Variants in ARHGEF18 observed in about 807,000 individuals in gnomAD.
ARHGEF18 encodes the protein rho guanine nucleotide exchange factor 18.
In ARHGEF18, 93 loss-of-function variants were observed where a neutral mutation model predicts 155.7. That is an observed-to-expected ratio of 0.60 (90% CI 0.50 to 0.71). The LOEUF (loss-of-function observed/expected upper bound fraction) is 0.71, where lower values mean the gene tolerates loss of function less well. Ranked by LOEUF, ARHGEF18 falls within the 30% of genes least tolerant of loss-of-function variation. The pLI, the probability that ARHGEF18 is intolerant of heterozygous loss-of-function variation, is 0.00. For synonymous variants in ARHGEF18, 742 were observed against 753.1 expected, an observed-to-expected ratio of 0.99 and a Z score of 0.24; for missense variants, 1,593 against 1,816.1, an observed-to-expected ratio of 0.88 and a Z score of 2.23.
In ARHGEF18 at chr19:7,444,082, A is replaced by G; in HGVS notation, c.1361-122A>G. On this transcript the variant is annotated intron_variant, in intron 13 of 28. Transcript: ENST00000668164. The surrounding 1 kb of genome is among the most constrained non-coding windows in gnomAD (Gnocchi z 4.7). ...GAAGTAAGAAAGATCCCAAAGGCACAAGGTCTTAGGCAGAGAACTCTCAGA... is the reference window on the plus strand; with the variant it reads ...GAAGTAAGAAAGATCCCAAAGGCACGAGGTCTTAGGCAGAGAACTCTCAGA... 2 of 1,281,156 alleles carry G rather than the reference A, an allele frequency of 1.6e-6. No individual in the cohort carries two copies. The highest frequency in any genetic ancestry group is 1.5e-5 in the South Asian group (1 of 68,598). The allele number at this position is 1,281,156 out of a possible 1,614,324, so 79.4% of individuals were successfully genotyped here. A position where few individuals can be genotyped will look rare whatever the true frequency, so the allele number is the denominator to read the frequency against.
chr19:7,474,180 AAC>A (rs1427269445), downstream of ARHGEF18, among the ~76,000 whole-genome samples: 1 of 151,818 alleles, frequency 6.6e-6, no homozygotes, highest in Non-Finnish European at 1.5e-5. Context: ...CTCTACTAAA[AAC>A]ACAAAAATCA....
rs375356392 is a variant in ARHGEF18, at chr19:7,467,291, G to C, written c.3087G>C (p.Leu1029=). 6.5e-7 allele frequency: 1 copy of C among 1,545,584 alleles called. No individual in the cohort carries two copies. The highest frequency in any genetic ancestry group is 8.7e-7 in the Non-Finnish European group (1 of 1,148,988). The change falls in exon 26 of 29, where the codon CTG becomes CTC. Residue 1029 remains leucine (L), a synonymous_variant. Coordinates refer to ENST00000668164, the MANE Select transcript of ARHGEF18 (RefSeq NM_001367823.1). The part of the protein sequence containing the change: ...AIQEREKQFR[L]QSTRGNLLLE... ...AGGAGCGGGAGAAGCAGTTCCGGCT[G>C]CAGTCGACGCGTGGGAACCTGCTGC...
intron 10 of ARHGEF18, among the ~76,000 whole-genome samples, chr19:7,410,962 C>T (rs1972641321): frequency 6.6e-6 from 1 of 152,068 alleles, no homozygotes; most frequent in African/African-American, 2.4e-5. Flanking sequence ...TCTTATACTT[C>T]AGCATCTGGC....
At chr19:7,455,952 A>G (rs1975799217) in intron 17 of ARHGEF18, among the ~76,000 whole-genome samples, 1 of 152,244 alleles carries the variant, frequency 6.6e-6, no homozygotes, top group South Asian at 2.1e-4. Context: ...TCCCTCTTAC[A>G]GCACGTGGGA....
At chr19:7,445,577 G>C (rs867250259) in intron 14 of ARHGEF18, among the ~76,000 whole-genome samples, 3 of 152,072 alleles carry the variant, frequency 2.0e-5, no homozygotes, top group African/African-American at 4.8e-5. Flanking sequence ...CTATTTGCTC[G>C]AAGCATCCTG....
chr19:7,411,429 C>T (rs1394379444), intron 10 of ARHGEF18, among the ~76,000 whole-genome samples: 1 of 152,048 alleles, frequency 6.6e-6, no homozygotes, highest in Non-Finnish European at 1.5e-5. Context: ...GCCTCAGCCT[C>T]CCAAGTAGAT....
chr19:7,447,379 C>T (rs1975064812), intron 15 of ARHGEF18, among the ~76,000 whole-genome samples: 2 of 151,948 alleles, frequency 1.3e-5, no homozygotes, highest in African/African-American at 4.8e-5. Flanking sequence ...ATCCCAGCTA[C>T]TTGGGAGGCT....
At position 7,470,802 on chromosome 19, in the gene ARHGEF18, G is replaced by C. The variant is rs11549822; in HGVS notation, c.*504G>C. 7.5e-6 allele frequency: 3 copies of C among 401,080 alleles called. No individual in the cohort carries two copies. Among genetic ancestry groups the C allele is most frequent in the Non-Finnish European group, 1.3e-5 (3 of 226,250 alleles). 24.8% of individuals were successfully genotyped at this position (401,080 alleles called of 1,614,324 possible). On this transcript the variant is annotated 3_prime_UTR_variant, in exon 29 of 29. Coordinates refer to ENST00000668164, the MANE Select transcript of ARHGEF18 (RefSeq NM_001367823.1). The surrounding 1 kb of genome is among the most constrained non-coding windows in gnomAD (Gnocchi z 5.9). ...GGGCCAGGTGGCGTCGGCAGCATCT[G>C]TCCCCAGAATCAGGCAGAATCCACT...
At position 7,466,913 on chromosome 19, in the gene ARHGEF18, C is replaced by G; in HGVS notation, c.2905-5C>G. Reference sequence around the variant, plus strand: ...CTCTCTGGTTTGACGGTGTCCTCTTCCCAGGTGGAGGCGCCAGGCACGGAA... The same window carrying G: ...CTCTCTGGTTTGACGGTGTCCTCTTGCCAGGTGGAGGCGCCAGGCACGGAA... On this transcript the variant is annotated splice_region_variant and splice_polypyrimidine_tract_variant and intron_variant, in intron 23 of 28. Coordinates refer to ENST00000668164, the MANE Select transcript of ARHGEF18 (RefSeq NM_001367823.1). 1.2e-6 allele frequency: 2 copies of G among 1,613,344 alleles called. No individual in the cohort carries two copies. The highest frequency in any genetic ancestry group is 1.7e-6 in the Non-Finnish European group (2 of 1,179,900).
intron 20 of ARHGEF18, 123 bp downstream of exon 20, chr19:7,460,117 A>G (rs2145875540): frequency 1.1e-6 from 1 of 908,282 alleles, no homozygotes; most frequent in East Asian, 2.8e-5. Flanking sequence ...GGGCTGTGCC[A>G]TGTCCTGCAG....
rs1035950541 is a variant in ARHGEF18 at position 7,444,133 on chromosome 19, G to A, written c.1361-71G>A. 1.9e-6 allele frequency: 3 copies of A among 1,575,916 alleles called. No homozygotes were observed. Among genetic ancestry groups the A allele is most frequent in the Middle Eastern group, 2.2e-4 (1 of 4,596 alleles). ...AGCCAGTTCAGCACGTGAAGGGCAG[G>A]CAGCACCCACGACTGCCCAGCGGGG... On this transcript the variant is annotated intron_variant, in intron 13 of 28. Transcript: ENST00000668164. The surrounding 1 kb of genome is among the most constrained non-coding windows in gnomAD (Gnocchi z 4.7).
At chr19:7,450,252 T>C (rs1975284825) in intron 15 of ARHGEF18, among the ~76,000 whole-genome samples, 1 of 151,622 alleles carries the variant, frequency 6.6e-6, no homozygotes, top group South Asian at 2.1e-4. Context: ...ATACAGGCTC[T>C]TGCTGTCCAT....
At chr19:7,477,430 C>CA, downstream of ARHGEF18, 1 of 1,447,168 alleles carries the variant, frequency 6.9e-7, no homozygotes. Flanking sequence ...TGCCCCGGGG[C>CA]AGCGGGCTGT....
At chr19:7,421,390 C>T (rs549861811) in intron 10 of ARHGEF18, among the ~76,000 whole-genome samples, 1 of 152,210 alleles carries the variant, frequency 6.6e-6, no homozygotes, top group South Asian at 2.1e-4. Context: ...TTCAGAGGGC[C>T]GACTTTTCCC....
Position 7,464,099 on chromosome 19 carries a change from G to A in ARHGEF18, c.2773+144G>A, listed in dbSNP as rs578150674. On this transcript the variant is annotated intron_variant, in intron 22 of 28. Coordinates refer to ENST00000668164, the MANE Select transcript of ARHGEF18 (RefSeq NM_001367823.1). ...GTCACCCAGGCTGGAGTGCAGTGGC[G>A]CAATCTCAGCTCTCTGCAACCTCTG... 248 of 1,190,514 alleles carry A rather than the reference G, an allele frequency of 2.1e-4. 2 individuals carry two copies. The South Asian group carries it at 3.8e-3, about 18-fold the overall frequency. The allele number at this position is 1,190,514 out of a possible 1,614,324, so 73.7% of individuals were successfully genotyped here.
Position 7,441,880 on chromosome 19 carries a change from C to T in ARHGEF18, c.1220-32C>T. The T allele has an allele frequency of 2.5e-6, 4 of 1,613,248 alleles. No individual in the cohort carries two copies. The South Asian group carries it at 3.3e-5, about 13-fold the overall frequency. The stretch of plus-strand genomic sequence containing the variant: ...GGAATTGGGGTGGCATGGCTCTGGG[C>T]CCCCAGCAGCCACACCTCGCTCTTC... On this transcript the variant is annotated intron_variant, in intron 12 of 28. Transcript: ENST00000668164.
intron 10 of ARHGEF18, among the ~76,000 whole-genome samples, chr19:7,393,333 C>A (rs1239296842): frequency 6.6e-6 from 1 of 152,178 alleles, no homozygotes; most frequent in Non-Finnish European, 1.5e-5. Context: ...GGACTCTCAA[C>A]AACATATTGT....
rs865902939 is a variant in ARHGEF18, at chr19:7,470,846, G to A, written c.*548G>A. 108 of 401,186 alleles carry A rather than the reference G, an allele frequency of 2.7e-4. No homozygotes were observed. Among genetic ancestry groups the A allele is most frequent in the Admixed American group, 1.3e-3 (30 of 22,730 alleles). 24.9% of individuals were successfully genotyped at this position (401,186 alleles called of 1,614,324 possible). On this transcript the variant is annotated 3_prime_UTR_variant, in exon 29 of 29. Coordinates refer to ENST00000668164, the MANE Select transcript of ARHGEF18 (RefSeq NM_001367823.1). The surrounding 1 kb of genome is among the most constrained non-coding windows in gnomAD (Gnocchi z 5.9). ...ATCCACTTCCCAAACAGAGCCCCAC[G>A]CAGGTTCACCATGAACCTCAGGGTC...
downstream of ARHGEF18, chr19:7,472,704 T>G: frequency 3.5e-6 from 1 of 286,600 alleles, no homozygotes; most frequent in Non-Finnish European, 6.9e-6. Context: ...TTTTTTTGGT[T>G]TGTTTGTTTT....
Sources: allele counts gnomAD v4.1 joint callset (sites outside exome capture counted in the v4.1 genomes callset), GRCh38; gene constraint gnomAD v4.1.1; non-coding constraint Gnocchi (gnomAD v3.1); transcripts MANE v1.5; gene names NCBI Gene and HGNC (gene_info 2026-07-23, HGNC 2026-07-21).